SUPT3H: variants seen among roughly 807,000 people sequenced by gnomAD.
SUPT3H encodes transcription initiation protein SPT3 homolog.
A neutral mutation model predicts 44.3 loss-of-function variants in SUPT3H; 44 were observed. The ratio of observed to expected loss-of-function variants is 0.99; its 90% CI spans 0.78 to 1.28. The LOEUF is 1.28. SUPT3H is among the 50% of genes most tolerant of loss of function. SUPT3H has a pLI of 0.00. For synonymous variants in SUPT3H, 124 were observed against 125.6 expected (o/e 0.99, Z 0.09); for missense variants, 380 against 387.1 (o/e 0.98, Z 0.15).
At chr6:45,182,208 C>T (rs1414645016) in intron 2 of SUPT3H, among the ~76,000 whole-genome samples, 2 of 152,122 alleles carry the variant, frequency 1.3e-5, no homozygotes, top group Non-Finnish European at 2.9e-5. Context: ...TGTTACTGTC[C>T]CATAGAGCTT....
chr6:45,115,246 G>A (rs140871978), intron 2 of SUPT3H, among the ~76,000 whole-genome samples: 7 of 152,138 alleles, frequency 4.6e-5, no homozygotes, highest in Non-Finnish European at 7.4e-5. Flanking sequence ...AACAGTAAGC[G>A]TCAAGATTAC....
intron 2 of SUPT3H, among the ~76,000 whole-genome samples, chr6:45,137,388 C>T (rs994769412): frequency 6.6e-6 from 1 of 151,892 alleles, no homozygotes; most frequent in East Asian, 1.9e-4. Context: ...GACACTTTTT[C>T]ACATTTCTTC....
At chr6:45,228,379 T>TAAGAGAGA (rs558075045) in intron 2 of SUPT3H, among the ~76,000 whole-genome samples, 1 of 152,276 alleles carries the variant, frequency 6.6e-6, no homozygotes, top group African/African-American at 2.4e-5. Context: ...CTCCTCCAAG[T>TAAGAGAGA]AAGAGAGAAT....
chr6:45,188,182 C>T (rs1398793541), intron 2 of SUPT3H, among the ~76,000 whole-genome samples: 2 of 152,226 alleles, frequency 1.3e-5, no homozygotes, highest in African/African-American at 4.8e-5. Context: ...CAAAGGGCAA[C>T]AGCAGTGATG....
chr6:44,920,004 G>A (rs555100121), intron 10 of SUPT3H, among the ~76,000 whole-genome samples: 1 of 151,930 alleles, frequency 6.6e-6, no homozygotes, highest in South Asian at 2.1e-4. Flanking sequence ...TCAGCCTCCC[G>A]AGTAGCTGGG....
At chr6:44,896,680 T>G (rs550059051) in intron 10 of SUPT3H, among the ~76,000 whole-genome samples, 1 of 152,322 alleles carries the variant, frequency 6.6e-6, no homozygotes, top group South Asian at 2.1e-4. Flanking sequence ...CTCCTTACTA[T>G]TTTGCTTTCC....
intron 10 of SUPT3H, among the ~76,000 whole-genome samples, chr6:44,930,564 CAAAAA>C (rs3857588): frequency 1.5e-5 from 1 of 65,102 alleles, no homozygotes; most frequent in Non-Finnish European, 2.8e-5. Flanking sequence ...GACTCCGTCT[CAAAAA>C]AAAAAAAAAA....
intron 2 of SUPT3H, among the ~76,000 whole-genome samples, chr6:45,284,680 T>C (rs1300047193): frequency 1.3e-5 from 2 of 152,208 alleles, no homozygotes; most frequent in Non-Finnish European, 2.9e-5. Flanking sequence ...GAAGAGCTGG[T>C]ACCATTCCTT....
chr6:45,075,883 T>C (rs757144804), intron 3 of SUPT3H, among the ~76,000 whole-genome samples: 23 of 152,218 alleles, frequency 1.5e-4, no homozygotes, highest in Non-Finnish European at 2.4e-4. Flanking sequence ...CTAAAATTAC[T>C]ATGCTTGTGT....
At chr6:44,992,482 A>C (rs1780733919) in intron 6 of SUPT3H, among the ~76,000 whole-genome samples, 1 of 152,148 alleles carries the variant, frequency 6.6e-6, no homozygotes, top group Admixed American at 6.6e-5. Context: ...GGTGGAAATA[A>C]ATAGCAATCA....
intron 10 of SUPT3H, among the ~76,000 whole-genome samples, chr6:44,840,412 G>A (rs369727752): frequency 2.4e-4 from 36 of 152,152 alleles, no homozygotes; most frequent in Non-Finnish European, 4.3e-4. Context: ...CAGCAGACCC[G>A]TGGGAGGTGA....
chr6:45,204,287 C>T (rs1394502254), intron 2 of SUPT3H, among the ~76,000 whole-genome samples: 3 of 53,902 alleles, frequency 5.6e-5, no homozygotes, highest in Non-Finnish European at 8.7e-5. Context: ...GAAGAACCAC[C>T]TGTATCTCTT....
intron 3 of SUPT3H, chr6:45,098,908 A>C (rs886637409): frequency 1.9e-6 from 1 of 533,126 alleles, no homozygotes; most frequent in Admixed American, 2.0e-5. Context: ...ACTCAACATA[A>C]AATGGGGAAG....
At chr6:44,915,762 T>C (rs147945883) in intron 10 of SUPT3H, among the ~76,000 whole-genome samples, 2,702 of 152,296 alleles carry the variant, frequency 0.018, 52 homozygotes, top group South Asian at 0.091. Flanking sequence ...ATTTTAAATC[T>C]ACCTATAACG....
intron 2 of SUPT3H, among the ~76,000 whole-genome samples, chr6:45,228,877 C>T (rs549920830): frequency 1.5e-3 from 228 of 152,098 alleles, no homozygotes; most frequent in African/African-American, 5.2e-3. Context: ...TGACCTAAGG[C>T]GATCCACCCG....
At chr6:45,302,393 A>G (rs1337939601) in intron 2 of SUPT3H, among the ~76,000 whole-genome samples, 3 of 151,010 alleles carry the variant, frequency 2.0e-5, no homozygotes, top group Non-Finnish European at 3.0e-5. Context: ...ATTTAGAATA[A>G]TAGTCTCCAG....
intron 2 of SUPT3H, among the ~76,000 whole-genome samples, chr6:45,287,314 T>C (rs1779485585): frequency 6.6e-6 from 1 of 152,156 alleles, no homozygotes; most frequent in Non-Finnish European, 1.5e-5. Context: ...GGTACTCTGA[T>C]GTTCATAACA....
At chr6:45,230,919 C>T (rs1380422288) in intron 2 of SUPT3H, among the ~76,000 whole-genome samples, 1 of 151,798 alleles carries the variant, frequency 6.6e-6, no homozygotes, top group East Asian at 1.9e-4. Context: ...GATCTGCCTG[C>T]CTCGGCCTCC....
intron 10 of SUPT3H, among the ~76,000 whole-genome samples, chr6:44,885,655 A>G (rs1268894815): frequency 5.9e-5 from 9 of 152,186 alleles, no homozygotes; most frequent in African/African-American, 2.2e-4. Context: ...ACAAAACCAC[A>G]AAGATGGGGA....
Sources: gnomAD v4.1 joint callset for allele counts (sites outside exome capture counted in the v4.1 genomes callset) on GRCh38, gnomAD v4.1.1 for gene constraint, MANE v1.5 for transcripts, NCBI Gene and HGNC (gene_info 2026-07-23, HGNC 2026-07-21) for gene names.